SGCZ: variants seen among roughly 807,000 people sequenced by gnomAD.
SGCZ encodes the protein zeta-sarcoglycan.
A neutral mutation model predicts 41.3 loss-of-function variants in SGCZ; 40 were observed. The ratio of observed to expected loss-of-function variants is 0.97; its 90% CI spans 0.75 to 1.26. SGCZ has a LOEUF of 1.26. Ranked by LOEUF, SGCZ falls within the 50% of genes most tolerant of loss-of-function variation. The probability of loss-of-function intolerance (pLI) is 0.00; values close to 1 mark genes in which losing one functional copy is unlikely to be tolerated. For synonymous variants in SGCZ, 206 were observed against 137.5 expected (o/e 1.50, Z -3.49); for missense variants, 552 against 369.8 (o/e 1.49, Z -4.04).
At chr8:14,292,238 A>T (rs1383234505) in intron 3 of SGCZ, among the ~76,000 whole-genome samples, 1 of 152,070 alleles carries the variant, frequency 6.6e-6, no homozygotes, top group Admixed American at 6.6e-5. Context: ...AAAATGAACA[A>T]ACAATTGTAG....
intron 5 of SGCZ, among the ~76,000 whole-genome samples, chr8:14,112,035 T>A (rs1350357607): frequency 2.6e-5 from 4 of 152,156 alleles, no homozygotes; most frequent in African/African-American, 9.7e-5. Context: ...GACATCCATG[T>A]ATTTTTTACA....
intron 2 of SGCZ, among the ~76,000 whole-genome samples, chr8:14,410,133 CT>C (rs1799319814): frequency 6.6e-6 from 1 of 152,080 alleles, no homozygotes; most frequent in Non-Finnish European, 1.5e-5. Context: ...ACTGCGCATG[CT>C]AGGGATCTAG....
At chr8:14,978,244 G>A (rs1801545646) in intron 1 of SGCZ, among the ~76,000 whole-genome samples, 1 of 151,670 alleles carries the variant, frequency 6.6e-6, no homozygotes, top group African/African-American at 2.4e-5. Context: ...GAGGGGGGTG[G>A]ATCACCTGAG....
intron 3 of SGCZ, among the ~76,000 whole-genome samples, chr8:14,323,373 C>G (rs1232428610): frequency 6.6e-6 from 1 of 151,944 alleles, no homozygotes; most frequent in African/African-American, 2.4e-5. Context: ...AACACAATTT[C>G]CATTACTTCT....
At chr8:14,316,927 G>C (rs1801738640) in intron 3 of SGCZ, among the ~76,000 whole-genome samples, 1 of 150,684 alleles carries the variant, frequency 6.6e-6, no homozygotes, top group Non-Finnish European at 1.5e-5. Context: ...AAAATTAATA[G>C]TTCCACAACT....
At chr8:14,386,848 A>G (rs941707930) in intron 2 of SGCZ, among the ~76,000 whole-genome samples, 2 of 152,224 alleles carry the variant, frequency 1.3e-5, no homozygotes, top group Non-Finnish European at 2.9e-5. Context: ...TTAAAATTCT[A>G]TAATGGTATT....
intron 1 of SGCZ, among the ~76,000 whole-genome samples, chr8:14,808,744 A>T (rs199875483): frequency 6.6e-6 from 1 of 151,360 alleles, no homozygotes; most frequent in Admixed American, 6.6e-5. Context: ...ATACCCAAAG[A>T]ACTATAAATC....
chr8:14,762,345 A>C (rs1215349778), intron 1 of SGCZ, among the ~76,000 whole-genome samples: 1 of 150,384 alleles, frequency 6.6e-6, no homozygotes, highest in African/African-American at 2.4e-5. Context: ...ATAGGATCAC[A>C]TCCTTATACT....
intron 2 of SGCZ, among the ~76,000 whole-genome samples, chr8:14,493,006 G>C (rs1360592523): frequency 6.6e-6 from 1 of 151,868 alleles, no homozygotes; most frequent in African/African-American, 2.4e-5. Context: ...TCTCTAACCT[G>C]GGCTATGGTG....
chr8:14,962,051 C>T (rs968048176), intron 1 of SGCZ, among the ~76,000 whole-genome samples: 1 of 152,028 alleles, frequency 6.6e-6, no homozygotes, highest in Admixed American at 6.6e-5. Context: ...AAGTAATAAG[C>T]ATTCAATAAA....
At chr8:15,189,180 T>C (rs1341427497) in intron 1 of SGCZ, among the ~76,000 whole-genome samples, 2 of 152,208 alleles carry the variant, frequency 1.3e-5, no homozygotes, top group African/African-American at 4.8e-5. Context: ...AATAATTTTA[T>C]ATGATGGATG....
At chr8:14,927,568 T>C (rs1378607614) in intron 1 of SGCZ, among the ~76,000 whole-genome samples, 2 of 151,158 alleles carry the variant, frequency 1.3e-5, no homozygotes, top group East Asian at 3.9e-4. Context: ...AGAGACGAAA[T>C]GAGAGAATTT....
At chr8:14,654,276 C>G (rs1039934421) in intron 1 of SGCZ, among the ~76,000 whole-genome samples, 1 of 151,680 alleles carries the variant, frequency 6.6e-6, no homozygotes, top group Non-Finnish European at 1.5e-5. Flanking sequence ...TGTTTAGGAG[C>G]CAGCCCACCT....
intron 2 of SGCZ, among the ~76,000 whole-genome samples, chr8:14,467,755 T>C (rs1000207934): frequency 2.6e-5 from 4 of 152,036 alleles, no homozygotes; most frequent in Non-Finnish European, 4.4e-5. Context: ...TGTGCTTGCT[T>C]ATGACATATA....
At chr8:15,226,054 A>G (rs1801761633) in intron 1 of SGCZ, among the ~76,000 whole-genome samples, 1 of 152,232 alleles carries the variant, frequency 6.6e-6, no homozygotes, top group South Asian at 2.1e-4. Context: ...TAACAAGGAT[A>G]AAATAATTAC....
At chr8:14,709,720 G>T (rs1018293504) in intron 1 of SGCZ, among the ~76,000 whole-genome samples, 1 of 151,692 alleles carries the variant, frequency 6.6e-6, no homozygotes, top group Non-Finnish European at 1.5e-5. Flanking sequence ...CTAAATCTTC[G>T]TGAAGTCGAA....
At chr8:14,833,330 A>C (rs547306935) in intron 1 of SGCZ, among the ~76,000 whole-genome samples, 181 of 152,270 alleles carry the variant, frequency 1.2e-3, no homozygotes, top group African/African-American at 4.2e-3. Flanking sequence ...GAAAGAAAAA[A>C]AACCATCTAA....
At position 15,231,610 on chromosome 8, in the gene SGCZ, CTTTTTTTTTTT is replaced by C. The variant is rs914572473; in HGVS notation, c.39+5964_39+5974del. The stretch of plus-strand genomic sequence containing the variant: ...TAAAAACTTTGGATGTTAATATATT[CTTTTTTTTTTT>C]TTTTTTTTTTTTTTTTTGGAGACAG... On this transcript the variant is annotated intron_variant, in intron 1 of 7. Transcript: ENST00000382080. Among the ~76,000 whole-genome samples, 6 of 72,104 alleles carry C rather than the reference CTTTTTTTTTTT, an allele frequency of 8.3e-5. No individual in the cohort carries two copies. The East Asian group carries it at 1.2e-3, about 15-fold the overall frequency. 47.3% of individuals were successfully genotyped at this position (72,104 alleles called of 152,430 possible).
chr8:14,630,511 C>T (rs542687817), intron 1 of SGCZ, among the ~76,000 whole-genome samples: 92 of 152,132 alleles, frequency 6.0e-4, no homozygotes, highest in Non-Finnish European at 1.2e-3. Context: ...ACCCAGCCAT[C>T]CCATTACTGG....
Sources: allele counts gnomAD v4.1 joint callset (sites outside exome capture counted in the v4.1 genomes callset), GRCh38; gene constraint gnomAD v4.1.1; transcripts MANE v1.5; gene names NCBI Gene and HGNC (gene_info 2026-07-23, HGNC 2026-07-21).